THSD4: variants seen among roughly 807,000 people sequenced by gnomAD.
THSD4 encodes the protein thrombospondin type 1 domain containing 4.
A neutral mutation model predicts 119.0 loss-of-function variants in THSD4; 69 were observed. The observed-to-expected ratio is 0.58, with a 90% CI of 0.48 to 0.71. The LOEUF (loss-of-function observed/expected upper bound fraction) is 0.71. THSD4 is among the 30% of genes least tolerant of loss of function. The pLI is 0.00. For missense variants in THSD4, 1,393 were observed against 1,391.1 expected (o/e 1.00, Z -0.02); for synonymous variants, 524 against 540.4 (o/e 0.97, Z 0.42).
At chr15:71,246,106 T>A (rs4777348) in intron 5 of THSD4, among the ~76,000 whole-genome samples, 85,789 of 151,452 alleles carry the variant, frequency 0.57, 25,242 homozygotes, top group African/African-American at 0.71. Flanking sequence ...ACGGAGGAAC[T>A]GAGTTTCCTT....
chr15:71,570,126 A>G (rs1357084823), intron 7 of THSD4, among the ~76,000 whole-genome samples: 1 of 152,232 alleles, frequency 6.6e-6, no homozygotes. Context: ...AGAACAATTA[A>G]TAACACCTAA....
intron 7 of THSD4, among the ~76,000 whole-genome samples, chr15:71,415,585 T>C (rs1320739349): frequency 6.6e-6 from 1 of 152,214 alleles, no homozygotes; most frequent in African/African-American, 2.4e-5. Flanking sequence ...TACATTATTA[T>C]TGACTGTAGT....
intron 7 of THSD4, among the ~76,000 whole-genome samples, chr15:71,555,125 G>T (rs1219441659): frequency 6.6e-6 from 1 of 152,188 alleles, no homozygotes; most frequent in East Asian, 1.9e-4. Context: ...TCATGCCTCT[G>T]ATCCCAGCAC....
At chr15:71,500,358 C>T (rs796210914) in intron 7 of THSD4, among the ~76,000 whole-genome samples, 140 of 152,164 alleles carry the variant, frequency 9.2e-4, no homozygotes, top group African/African-American at 2.7e-3. Context: ...AAGAGTGTTT[C>T]GTATATTCTG....
chr15:71,669,719 A>G (rs191175661), intron 8 of THSD4, among the ~76,000 whole-genome samples: 30 of 152,190 alleles, frequency 2.0e-4, no homozygotes, highest in African/African-American at 6.7e-4. Context: ...CTCCACAATT[A>G]CTTTCATCTG....
chr15:71,241,581 T>G (rs2044153295), intron 4 of THSD4, among the ~76,000 whole-genome samples: 1 of 152,208 alleles, frequency 6.6e-6, no homozygotes, highest in Non-Finnish European at 1.5e-5. Context: ...ACAATAAATA[T>G]TCATGCAGTG....
At chr15:71,702,793 T>C (rs2052318062) in intron 8 of THSD4, among the ~76,000 whole-genome samples, 1 of 152,166 alleles carries the variant, frequency 6.6e-6, no homozygotes, top group African/African-American at 2.4e-5. Context: ...GAGAGGCCTT[T>C]CCTGACCACT....
chr15:71,120,322 A>T (rs1487573394), intron 1 of THSD4, among the ~76,000 whole-genome samples: 1 of 152,208 alleles, frequency 6.6e-6, no homozygotes, highest in Non-Finnish European at 1.5e-5. Context: ...TGTCTTGGGA[A>T]AGTGGTCTCT....
chr15:71,745,414 G>A lies in THSD4; in HGVS notation c.2036+179G>A, dbSNP rs80106289. Among the ~76,000 whole-genome samples, 329 of 152,338 alleles carry A rather than the reference G, an allele frequency of 2.2e-3. No homozygotes were observed. The East Asian group carries it at 0.032, about 15-fold the overall frequency. On this transcript the variant is annotated intron_variant, in intron 12 of 17. Transcript: ENST00000261862. Reference sequence around the variant, plus strand: ...CCTGTCTTTCAGGATGAACTCAGGAGCTGATAGCCTTTAGCAAGTCAACCC... The same window carrying A: ...CCTGTCTTTCAGGATGAACTCAGGAACTGATAGCCTTTAGCAAGTCAACCC...
At chr15:71,361,126 G>A (rs1429296208) in intron 6 of THSD4, among the ~76,000 whole-genome samples, 3 of 152,210 alleles carry the variant, frequency 2.0e-5, no homozygotes, top group Non-Finnish European at 4.4e-5. Flanking sequence ...GTAGAGCATG[G>A]AGGGCCCTGG....
At chr15:71,355,687 C>T (rs2045800485) in intron 6 of THSD4, among the ~76,000 whole-genome samples, 1 of 152,056 alleles carries the variant, frequency 6.6e-6, no homozygotes, top group South Asian at 2.1e-4. Flanking sequence ...CTTGAGCAGT[C>T]AGGCTGGGTC....
intron 6 of THSD4, among the ~76,000 whole-genome samples, chr15:71,337,067 G>A (rs1341050316): frequency 6.6e-6 from 1 of 152,154 alleles, no homozygotes; most frequent in Non-Finnish European, 1.5e-5. Flanking sequence ...AGAAGTGGGA[G>A]GCAAGGAGGA....
chr15:71,294,885 A>G (rs922814211), intron 6 of THSD4, among the ~76,000 whole-genome samples: 1 of 151,692 alleles, frequency 6.6e-6, no homozygotes, highest in Non-Finnish European at 1.5e-5. Context: ...GTTATTTTAA[A>G]AATACTTATT....
chr15:71,709,508 G>A (rs941267283), intron 8 of THSD4, among the ~76,000 whole-genome samples: 3 of 152,148 alleles, frequency 2.0e-5, no homozygotes, highest in African/African-American at 7.2e-5. Flanking sequence ...CTTCCAGGGG[G>A]GCTCCTCACT....
intron 14 of THSD4, among the ~76,000 whole-genome samples, chr15:71,755,153 C>G (rs999830472): frequency 7.2e-5 from 11 of 152,208 alleles, no homozygotes; most frequent in African/African-American, 2.7e-4. Context: ...TCTGCTATTT[C>G]TCAATAGCCT....
intron 3 of THSD4, among the ~76,000 whole-genome samples, chr15:71,185,079 G>A (rs2043585569): frequency 6.6e-6 from 1 of 151,652 alleles, no homozygotes. Flanking sequence ...TGGCCACAGA[G>A]TTTACCTTGC....
chr15:71,559,987 G>A (rs565439028), intron 7 of THSD4, among the ~76,000 whole-genome samples: 1 of 152,262 alleles, frequency 6.6e-6, no homozygotes, highest in Non-Finnish European at 1.5e-5. Context: ...ATGCTACAAT[G>A]AGTATCTTTT....
chr15:71,528,993 C>T (rs1378234889), intron 7 of THSD4, among the ~76,000 whole-genome samples: 1 of 152,230 alleles, frequency 6.6e-6, no homozygotes, highest in African/African-American at 2.4e-5. Context: ...TCTCTTTCCT[C>T]CTGGGTCCAT....
At chr15:71,593,669 G>T (rs1030623974) in intron 7 of THSD4, among the ~76,000 whole-genome samples, 1 of 152,070 alleles carries the variant, frequency 6.6e-6, no homozygotes, top group Non-Finnish European at 1.5e-5. Flanking sequence ...GCCGAGGTGG[G>T]TGGATTACAA....
Sources: gnomAD v4.1 joint callset for allele counts (sites outside exome capture counted in the v4.1 genomes callset) on GRCh38, gnomAD v4.1.1 for gene constraint, MANE v1.5 for transcripts, NCBI Gene and HGNC (gene_info 2026-07-23, HGNC 2026-07-21) for gene names.